UNKL: variants seen among roughly 807,000 people sequenced by gnomAD.
UNKL encodes the protein putative E3 ubiquitin-protein ligase UNKL.
A neutral mutation model predicts 78.0 loss-of-function variants in UNKL; 60 were observed. The observed-to-expected ratio is 0.77, with a 90% CI of 0.63 to 0.95. The LOEUF (loss-of-function observed/expected upper bound fraction) is 0.95. UNKL is among the 40% of genes least tolerant of loss of function. The pLI, the probability that UNKL is intolerant of heterozygous loss-of-function variation, is 0.00. For missense variants in UNKL, 1,159 were observed against 1,045.7 expected (o/e 1.11, Z -1.49); for synonymous variants, 608 against 474.8 (o/e 1.28, Z -3.65).
intron 10 of UNKL, among the ~76,000 whole-genome samples, chr16:1,375,306 C>CAGGCGGG (rs2036133171): frequency 6.6e-6 from 1 of 152,224 alleles, no homozygotes; most frequent in Non-Finnish European, 1.5e-5. Context: ...CCCAGAGCGG[C>CAGGCGGG]AGGCGGGAGA....
chr16:1,402,570 C>T (rs1457051793), intron 3 of UNKL, among the ~76,000 whole-genome samples: 3 of 151,366 alleles, frequency 2.0e-5, no homozygotes, highest in South Asian at 4.2e-4. Flanking sequence ...GGCTGAGGCA[C>T]GAGAATGGCG....
intron 2 of UNKL, among the ~76,000 whole-genome samples, chr16:1,413,133 T>C (rs557757684): frequency 1.3e-5 from 2 of 151,788 alleles, no homozygotes; most frequent in East Asian, 3.9e-4. Context: ...TAGTCCCAGC[T>C]ACTTGGGAGG....
chr16:1,370,233 T>C lies in UNKL; in HGVS notation c.1482A>G (p.Pro494=). ...TCATGGCTGAGGAGCCCACCGGCCC[T>C]GGGAGGGGCTGGGACAGCGAACCGA... is the stretch of plus-strand genomic sequence containing the variant. The part of the protein sequence containing the change: ...SPLGSLSQPL[P]GPVGSSAMTP... The change falls in exon 12 of 15, where the codon CCA becomes CCG. Residue 494 remains proline (P), a synonymous_variant. Coordinates refer to ENST00000389221, the MANE Select transcript of UNKL (RefSeq NM_001372107.1). 2 of 1,530,812 alleles carry C rather than the reference T, an allele frequency of 1.3e-6. No individual in the cohort carries two copies. The highest frequency in any genetic ancestry group is 4.9e-5 in the East Asian group (2 of 40,604). 94.8% of individuals were successfully genotyped at this position (1,530,812 alleles called of 1,614,324 possible).
intron 10 of UNKL, among the ~76,000 whole-genome samples, chr16:1,380,889 A>G (rs897798424): frequency 6.6e-6 from 1 of 152,022 alleles, no homozygotes; most frequent in African/African-American, 2.4e-5. Flanking sequence ...TGGTCAGGCT[A>G]GTCTTGAACT....
intron 2 of UNKL, among the ~76,000 whole-genome samples, chr16:1,405,408 G>A (rs1329545838): frequency 6.6e-6 from 1 of 151,532 alleles, no homozygotes; most frequent in Non-Finnish European, 1.5e-5. Context: ...AGCCTGGCTG[G>A]TCTACTAAAA....
chr16:1,399,461 G>A lies in UNKL; in HGVS notation c.647C>T (p.Pro216Leu), dbSNP rs749632739. ...GSYKTEQCPK[P>L]PRLCRQGYAC... is the part of the protein sequence containing the mutation. ...ATAGCCCTGGCGGCACAGGCGTGGC[G>A]GCTTCGGGCACTGCTCCGTCTTGTA... Residue 216 changes from proline to leucine, a missense_variant, in exon 5 of 15, where the codon CCG becomes CTG. By Grantham distance (98) the Pro-to-Leu change is moderately conservative. Transcript: ENST00000389221. This position sits in a 1 kb window ranked among gnomAD's most constrained non-coding sequence, Gnocchi z 5.8. 4 of 1,602,548 alleles carry A rather than the reference G, an allele frequency of 2.5e-6. No individual in the cohort carries two copies. Among genetic ancestry groups the A allele is most frequent in the Admixed American group, 1.7e-5 (1 of 58,840 alleles).
In UNKL at chr16:1,386,541, G is replaced by A. The variant is rs2036819154; in HGVS notation, c.1087-1156C>T. ...TGCACTGCAGCCCAGGCAACAGAGA[G>A]ACTCTGTTTCCAAAAAAAATGAATT... On this transcript the variant is annotated intron_variant, in intron 9 of 14. Transcript: ENST00000389221. Among the ~76,000 whole-genome samples the A allele has an allele frequency of 1.3e-5, 2 of 152,114 alleles. 1 individual carries two copies. The highest frequency in any genetic ancestry group is 4.1e-4 in the South Asian group (2 of 4,830).
At chr16:1,402,530 GT>G (rs1186034980) in intron 3 of UNKL, among the ~76,000 whole-genome samples, 1 of 152,162 alleles carries the variant, frequency 6.6e-6, no homozygotes, top group African/African-American at 2.4e-5. Flanking sequence ...AGGCATGGTG[GT>G]GTGCGCCTGT....
At chr16:1,372,122 G>C (rs1315356354) in intron 10 of UNKL, among the ~76,000 whole-genome samples, 1 of 152,010 alleles carries the variant, frequency 6.6e-6, no homozygotes, top group African/African-American at 2.4e-5. Flanking sequence ...AAATTAGCCA[G>C]GCGTGGTGGC....
chr16:1,413,833 C>A lies in UNKL; in HGVS notation c.287+13G>T. ...CTCCGCCCAGGCAGCGGCGCCCCCT[C>A]GCGGCCGCTTACTCGTCGCCGTCGG... On this transcript the variant is annotated intron_variant, in intron 2 of 14. Transcript: ENST00000389221. 1.3e-6 allele frequency: 2 copies of A among 1,512,816 alleles called. No homozygotes were observed. The highest frequency in any genetic ancestry group is 1.4e-5 in the African/African-American group (1 of 72,176). 93.7% of individuals were successfully genotyped at this position (1,512,816 alleles called of 1,614,324 possible).
rs1280231190 is a variant in UNKL, at chr16:1,364,163, C to A, written c.*2077G>T. 6.6e-6 allele frequency: 1 copy of A among 152,212 alleles called. No individual in the cohort carries two copies. Among genetic ancestry groups the A allele is most frequent in the Non-Finnish European group, 1.5e-5 (1 of 68,032 alleles). The allele number at this position is 152,212 out of a possible 1,614,324, so 9.4% of individuals were successfully genotyped here. A position where few individuals can be genotyped will look rare whatever the true frequency, so the allele number is the denominator to read the frequency against. On this transcript the variant is annotated 3_prime_UTR_variant, in exon 15 of 15. Coordinates refer to ENST00000389221, the MANE Select transcript of UNKL (RefSeq NM_001372107.1). ...ATTTCTAGATACTGAGCTAATAAAT[C>A]ACTGTAGTTAAAAACAAAATAGATT...
chr16:1,406,542 G>C (rs2037772335), intron 2 of UNKL, among the ~76,000 whole-genome samples: 1 of 152,086 alleles, frequency 6.6e-6, no homozygotes, highest in Admixed American at 6.6e-5. Flanking sequence ...GAATCTTGCT[G>C]TTTCCCAGGC....
intron 14 of UNKL, 24 bp from the exon 15 acceptor site, chr16:1,366,419 G>T: frequency 6.4e-7 from 1 of 1,554,882 alleles, no homozygotes; most frequent in South Asian, 1.2e-5. Flanking sequence ...ACAATGACGG[G>T]CTCAGGAGGC....
chr16:1,399,522 C>T lies in UNKL; in HGVS notation c.599-13G>A, dbSNP rs775566376. On this transcript the variant is annotated splice_polypyrimidine_tract_variant and intron_variant, in intron 4 of 14. Transcript: ENST00000389221. This position sits in a 1 kb window ranked among gnomAD's most constrained non-coding sequence, Gnocchi z 5.8. ...ACGAAGTTGGCATCTGAAAAATGGG[C>T]CACACGGTGCCTGAGCAGCGCGACT... 1 of 1,586,684 alleles carries T rather than the reference C, an allele frequency of 6.3e-7. No individual in the cohort carries two copies. The highest frequency in any genetic ancestry group is 1.7e-4 in the Middle Eastern group (1 of 5,846).
At chr16:1,404,887 G>C (rs1567236384) in intron 2 of UNKL, among the ~76,000 whole-genome samples, 1 of 152,152 alleles carries the variant, frequency 6.6e-6, no homozygotes, top group Non-Finnish European at 1.5e-5. Context: ...CCACACAGTG[G>C]GGTATTTTTC....
chr16:1,407,104 G>A (rs916833857), intron 2 of UNKL, among the ~76,000 whole-genome samples: 5 of 150,998 alleles, frequency 3.3e-5, no homozygotes, highest in African/African-American at 4.9e-5. Flanking sequence ...AGCCGAGATC[G>A]TGTCACTGCA....
At chr16:1,394,872 G>A (rs1254420598) in intron 6 of UNKL, among the ~76,000 whole-genome samples, 1 of 152,168 alleles carries the variant, frequency 6.6e-6, no homozygotes, top group East Asian at 1.9e-4. Flanking sequence ...GGTCCCGTTT[G>A]CTTGTTCATT....
chr16:1,385,472 G>A (rs1395072943), intron 9 of UNKL, 87 bp from the exon 10 acceptor site: 11 of 1,243,864 alleles, frequency 8.8e-6, no homozygotes, highest in Non-Finnish European at 1.1e-5. Flanking sequence ...AGCACCGCGG[G>A]ACGGCGGCCA....
At chr16:1,405,838 G>A (rs2037733810) in intron 2 of UNKL, 1 of 426,396 alleles carries the variant, frequency 2.3e-6, no homozygotes. Flanking sequence ...GACCCACCGA[G>A]ACCAGAGGAT....
Sources: gnomAD v4.1 joint callset for allele counts (sites outside exome capture counted in the v4.1 genomes callset) on GRCh38, gnomAD v4.1.1 for gene constraint, Gnocchi (gnomAD v3.1) non-coding constraint, MANE v1.5 for transcripts, NCBI Gene and HGNC (gene_info 2026-07-23, HGNC 2026-07-21) for gene names.